BTBD9: variants seen among roughly 807,000 people sequenced by gnomAD.
The protein encoded by BTBD9 is BTB/POZ domain-containing protein 9.
A neutral mutation model predicts 64.3 loss-of-function variants in BTBD9; 49 were observed. The observed-to-expected ratio is 0.76, with a 90% confidence interval of 0.61 to 0.97. The LOEUF is 0.97. Among genes scored for constraint, BTBD9 ranks in the 50% least tolerant of loss-of-function variants. BTBD9 has a pLI of 0.00. For synonymous variants in BTBD9, 260 were observed against 274.7 expected (o/e 0.95, Z 0.53); for missense variants, 598 against 762.1 (o/e 0.78, Z 2.53).
At chr6:38,585,938 C>CCACACACA (rs10660204) in intron 4 of BTBD9, among the ~76,000 whole-genome samples, 4,799 of 140,794 alleles carry the variant, frequency 0.034, 114 homozygotes, top group Admixed American at 0.065. Context: ...ACAGGACAGA[C>CCACACACA]CACACACACA....
chr6:38,593,846 A>G, intron 3 of BTBD9, 118 bp downstream of exon 3: 1 of 933,258 alleles, frequency 1.1e-6, no homozygotes, highest in Non-Finnish European at 1.6e-6. Flanking sequence ...ATAACCAATG[A>G]TAACGCTTTG....
At chr6:38,476,018 T>C (rs1770861583) in intron 6 of BTBD9, among the ~76,000 whole-genome samples, 1 of 152,204 alleles carries the variant, frequency 6.6e-6, no homozygotes, top group African/African-American at 2.4e-5. Context: ...TAATTAAGTC[T>C]GGAAATGTCC....
chr6:38,363,958 C>A (rs1419287384), intron 6 of BTBD9, among the ~76,000 whole-genome samples: 3 of 152,130 alleles, frequency 2.0e-5, no homozygotes, highest in Non-Finnish European at 4.4e-5. Flanking sequence ...TGTCTTAGGT[C>A]TGCTGCAGTA....
intron 6 of BTBD9, among the ~76,000 whole-genome samples, chr6:38,534,011 A>G (rs1773907022): frequency 6.6e-6 from 1 of 152,232 alleles, no homozygotes; most frequent in East Asian, 1.9e-4. Context: ...AATGAGTAAA[A>G]GAAAATAAAT....
At chr6:38,365,918 G>A (rs1562083757) in intron 6 of BTBD9, among the ~76,000 whole-genome samples, 1 of 152,168 alleles carries the variant, frequency 6.6e-6, no homozygotes, top group African/African-American at 2.4e-5. Context: ...TCACAAAGTA[G>A]ACAACTGCTG....
chr6:38,299,631 GT>G (rs1762307420), intron 7 of BTBD9, among the ~76,000 whole-genome samples: 1 of 152,256 alleles, frequency 6.6e-6, no homozygotes. Flanking sequence ...TTTTTCATGT[GT>G]TTTTTGGCTG....
At chr6:38,532,594 A>T (rs948177716) in intron 6 of BTBD9, among the ~76,000 whole-genome samples, 1 of 152,226 alleles carries the variant, frequency 6.6e-6, no homozygotes, top group East Asian at 1.9e-4. Flanking sequence ...ATACCAGCTC[A>T]GCCACAGTAG....
At chr6:38,362,887 A>G (rs955805264) in intron 6 of BTBD9, among the ~76,000 whole-genome samples, 2 of 152,176 alleles carry the variant, frequency 1.3e-5, no homozygotes, top group African/African-American at 4.8e-5. Context: ...TCCTCTCTAG[A>G]AGGATAATAT....
chr6:38,217,753 C>T (rs1285335914), intron 9 of BTBD9, among the ~76,000 whole-genome samples: 1 of 149,738 alleles, frequency 6.7e-6, no homozygotes, highest in Non-Finnish European at 1.5e-5. Flanking sequence ...AGGTTTTGCC[C>T]TTCACTGGCC....
chr6:38,422,864 C>A (rs1174825289), intron 6 of BTBD9, among the ~76,000 whole-genome samples: 1 of 152,076 alleles, frequency 6.6e-6, no homozygotes, highest in African/African-American at 2.4e-5. Flanking sequence ...CTTTGGGAGG[C>A]TGAGACGGGA....
chr6:38,465,753 A>ATATGTATGTATGTATG (rs1240229381), intron 6 of BTBD9, among the ~76,000 whole-genome samples: 1 of 39,712 alleles, frequency 2.5e-5, no homozygotes, highest in Admixed American at 3.2e-4. Flanking sequence ...ATATATATAT[A>ATATGTATGTATGTATG]TATGTATGTA....
intron 6 of BTBD9, among the ~76,000 whole-genome samples, chr6:38,376,674 C>T (rs911369480): frequency 1.3e-5 from 2 of 152,268 alleles, no homozygotes; most frequent in African/African-American, 4.8e-5. Flanking sequence ...CTGCAATGCA[C>T]ATCAAATTTT....
At chr6:38,330,580 T>A (rs1763637624) in intron 7 of BTBD9, among the ~76,000 whole-genome samples, 2 of 152,232 alleles carry the variant, frequency 1.3e-5, no homozygotes, top group East Asian at 1.9e-4. Flanking sequence ...AAATTTTTTT[T>A]AATGAAACTT....
chr6:38,236,626 C>T (rs1392942643), intron 9 of BTBD9, among the ~76,000 whole-genome samples: 1 of 152,066 alleles, frequency 6.6e-6, no homozygotes, highest in Non-Finnish European at 1.5e-5. Context: ...TAAGTAAATC[C>T]CAAAGAAACA....
intron 1 of BTBD9, among the ~76,000 whole-genome samples, chr6:38,633,052 C>G (rs1778414835): frequency 6.6e-6 from 1 of 152,194 alleles, no homozygotes; most frequent in South Asian, 2.1e-4. Context: ...GGAGAATCAG[C>G]ACTGGGGCCA....
intron 1 of BTBD9, among the ~76,000 whole-genome samples, chr6:38,637,332 T>C (rs1051647139): frequency 6.6e-6 from 1 of 152,246 alleles, no homozygotes; most frequent in Non-Finnish European, 1.5e-5. Context: ...TGTTAAATAA[T>C]GCAACATTTG....
At chr6:38,567,758 TTTATAATGATGAC>T (rs1288494111) in intron 6 of BTBD9, among the ~76,000 whole-genome samples, 5 of 152,202 alleles carry the variant, frequency 3.3e-5, no homozygotes, top group Non-Finnish European at 7.4e-5. Flanking sequence ...ACTTCTACCA[TTTATAATGATGAC>T]TGAGAAAGCT....
intron 9 of BTBD9, among the ~76,000 whole-genome samples, chr6:38,230,967 C>G (rs917437132): frequency 1.3e-5 from 2 of 152,126 alleles, no homozygotes; most frequent in Admixed American, 1.3e-4. Flanking sequence ...TGTTATTTCC[C>G]CCTACTAGGA....
At chr6:38,269,098 A>G (rs1765116064) in intron 8 of BTBD9, among the ~76,000 whole-genome samples, 1 of 152,246 alleles carries the variant, frequency 6.6e-6, no homozygotes, top group Non-Finnish European at 1.5e-5. Flanking sequence ...AACACTTAGA[A>G]TAAGTACATT....
Sources: gnomAD v4.1 joint callset for allele counts (sites outside exome capture counted in the v4.1 genomes callset) on GRCh38, gnomAD v4.1.1 for gene constraint, MANE v1.5 for transcripts, NCBI Gene and HGNC (gene_info 2026-07-23, HGNC 2026-07-21) for gene names.